SDF2: variants seen among roughly 807,000 people sequenced by gnomAD.
The protein encoded by SDF2 is stromal cell derived factor 2.
A neutral mutation model predicts 20.5 loss-of-function variants in SDF2; 12 were observed. The ratio of observed to expected loss-of-function variants is 0.58; its 90% CI spans 0.37 to 0.95. The LOEUF (loss-of-function observed/expected upper bound fraction) is 0.95. Among genes scored for constraint, SDF2 ranks in the 40% least tolerant of loss-of-function variants. The probability of loss-of-function intolerance (pLI) is 0.01; values close to 1 mark genes in which losing one functional copy is unlikely to be tolerated. For synonymous variants in SDF2, 100 were observed against 101.0 expected (o/e 0.99, Z 0.06); for missense variants, 238 against 263.1 (o/e 0.90, Z 0.66).
chr17:28,656,200 C>T (rs1370950250), intron 1 of SDF2: 1 of 151,978 alleles, frequency 6.6e-6, no homozygotes, highest in Admixed American at 6.6e-5. Context: ...CGCTTGTAAT[C>T]CCAGCACTCT....
At position 28,661,803 on chromosome 17, in the gene SDF2, G is replaced by A; in HGVS notation, c.74C>T (p.Thr25Ile). ...AVGASSLGVV[T>I]CGSVVKLLNT... ...GAGTAGCTTCACCACGGAGCCGCAA[G>A]TAACGACACCCAGGCTGGACGCTCC... The change falls in exon 1 of 3, where the codon ACT becomes ATT. Residue 25 changes from threonine (T) to isoleucine (I), a missense_variant. By Grantham distance (89) the Thr-to-Ile change is moderately conservative. Transcript: ENST00000247020. 6.2e-7 allele frequency: 1 copy of A among 1,614,128 alleles called. No individual in the cohort carries two copies. The highest frequency in any genetic ancestry group is 8.5e-7 in the Non-Finnish European group (1 of 1,180,004).
intron 2 of SDF2, among the ~76,000 whole-genome samples, chr17:28,651,102 G>A (rs1327122019): frequency 2.6e-5 from 4 of 152,226 alleles, no homozygotes; most frequent in South Asian, 2.1e-4. Flanking sequence ...ACAGCATCTC[G>A]CTCTGTCGCC....
intron 2 of SDF2, among the ~76,000 whole-genome samples, chr17:28,651,117 C>T (rs2071911391): frequency 6.6e-6 from 1 of 152,208 alleles, no homozygotes; most frequent in African/African-American, 2.4e-5. Flanking sequence ...GTCGCCCAGG[C>T]TGGAGTGCAA....
chr17:28,661,901 A>C lies in SDF2; in HGVS notation c.-25T>G. On this transcript the variant is annotated 5_prime_UTR_variant, in exon 1 of 3. Coordinates refer to ENST00000247020, the MANE Select transcript of SDF2 (RefSeq NM_006923.4). ...TCCTAACTGTATCGCGGAGCCCCAA[A>C]TCTTCGAAGAAAACTCGGCCCCTCC... The C allele has an allele frequency of 6.3e-7, 1 of 1,583,080 alleles. No individual in the cohort carries two copies. Among genetic ancestry groups the C allele is most frequent in the Non-Finnish European group, 8.6e-7 (1 of 1,156,858 alleles).
intron 2 of SDF2, among the ~76,000 whole-genome samples, chr17:28,654,604 T>A (rs1597670048): frequency 1.3e-5 from 2 of 149,748 alleles, no homozygotes; most frequent in South Asian, 4.2e-4. Context: ...TCACCTGAGG[T>A]CAGGAGTTCG....
chr17:28,652,131 T>C (rs754581219), intron 2 of SDF2, among the ~76,000 whole-genome samples: 14 of 151,666 alleles, frequency 9.2e-5, no homozygotes, highest in Non-Finnish European at 1.5e-4. Flanking sequence ...TCATCACACC[T>C]GTGAGTAGCC....
chr17:28,653,145 G>A (rs1302314363), intron 2 of SDF2, among the ~76,000 whole-genome samples: 1 of 152,136 alleles, frequency 6.6e-6, no homozygotes, highest in Non-Finnish European at 1.5e-5. Flanking sequence ...AAAAGTGCAT[G>A]GAAAGGGGGA....
Position 28,656,560 on chromosome 17 carries a change from C to T in SDF2, c.152-1077G>A, listed in dbSNP as rs137897831. Among the ~76,000 whole-genome samples the T allele has an allele frequency of 6.5e-3, 983 of 152,122 alleles. 12 individuals carry two copies. The highest frequency in any genetic ancestry group is 0.022 in the African/African-American group (929 of 41,476). ...CCAAGATCGCGCCACTGCCCTCCAG[C>T]CTGGATGACAGAGCCAGACTCCGTC... is the stretch of plus-strand genomic sequence containing the variant. On this transcript the variant is annotated intron_variant, in intron 1 of 2. Coordinates refer to ENST00000247020, the MANE Select transcript of SDF2 (RefSeq NM_006923.4).
chr17:28,661,705 G>A (rs780331279), intron 1 of SDF2, 21 bp downstream of exon 1: 14 of 1,602,274 alleles, frequency 8.7e-6, no homozygotes, highest in Non-Finnish European at 1.2e-5. Context: ...TAGCCCACCC[G>A]AGCCCGGTCC....
At position 28,661,823 on chromosome 17, in the gene SDF2, C is replaced by T; in HGVS notation, c.54G>A (p.Ala18=). 1.2e-6 allele frequency: 2 copies of T among 1,614,084 alleles called. No homozygotes were observed. The highest frequency in any genetic ancestry group is 1.7e-6 in the Non-Finnish European group (2 of 1,180,020). ...LLGGLWSAVG[A]SSLGVVTCGS... ...CGCAAGTAACGACACCCAGGCTGGACGCTCCCACAGCGCTCCACAAACCCC... is the reference window on the plus strand; with the variant it reads ...CGCAAGTAACGACACCCAGGCTGGATGCTCCCACAGCGCTCCACAAACCCC... The change falls in exon 1 of 3, where the codon GCG becomes GCA. Residue 18 remains alanine (A), a synonymous_variant. Transcript: ENST00000247020.
rs145053235 is a variant in SDF2, at chr17:28,658,876, G to A, written c.151+2850C>T. 7.5e-3 allele frequency among the ~76,000 whole-genome samples: 1,107 copies of A among 147,624 alleles called. 8 individuals carry two copies. The highest frequency in any genetic ancestry group is 0.018 in the Middle Eastern group (5 of 276). On this transcript the variant is annotated intron_variant, in intron 1 of 2. Transcript: ENST00000247020. ...CCTCACTTCCCAGACGGGGCGGCCGGGCAGAGGCACTCCTCACTTCCCAGA... is the reference window on the plus strand; with the variant it reads ...CCTCACTTCCCAGACGGGGCGGCCGAGCAGAGGCACTCCTCACTTCCCAGA...
intron 2 of SDF2, 53 bp from the exon 3 acceptor site, chr17:28,649,329 G>A: frequency 6.4e-7 from 1 of 1,559,324 alleles, no homozygotes; most frequent in Non-Finnish European, 8.8e-7. Context: ...GGCTTGAAAA[G>A]GGGTGGGAGG....
intron 2 of SDF2, among the ~76,000 whole-genome samples, chr17:28,654,109 G>C (rs763592668): frequency 6.6e-6 from 1 of 152,064 alleles, no homozygotes; most frequent in East Asian, 1.9e-4. Flanking sequence ...TCAGGAGTTT[G>C]AGACCAGCCT....
At chr17:28,651,932 G>A (rs559793395) in intron 2 of SDF2, among the ~76,000 whole-genome samples, 2 of 152,182 alleles carry the variant, frequency 1.3e-5, no homozygotes, top group Non-Finnish European at 2.9e-5. Context: ...GTATCTTACT[G>A]TTGGAGTGGG....
intron 1 of SDF2, among the ~76,000 whole-genome samples, chr17:28,656,703 G>A (rs2071966294): frequency 6.6e-6 from 1 of 152,168 alleles, no homozygotes; most frequent in African/African-American, 2.4e-5. Context: ...GGATATCCAA[G>A]GCACAAATCT....
chr17:28,648,645 C>T lies in SDF2; in HGVS notation c.*344G>A, dbSNP rs1446624468. ...GAGAGAGAAAATAGGGGGAAAATCA[C>T]ATACATTAACAGTCCATGATGCCAA... On this transcript the variant is annotated 3_prime_UTR_variant, in exon 3 of 3. Transcript: ENST00000247020. 3.7e-6 allele frequency: 1 copy of T among 268,076 alleles called. No individual in the cohort carries two copies. The highest frequency in any genetic ancestry group is 2.2e-5 in the African/African-American group (1 of 45,824). The allele number at this position is 268,076 out of a possible 1,614,324, so 16.6% of individuals were successfully genotyped here.
chr17:28,655,002 C>T (rs1184527370), intron 2 of SDF2, among the ~76,000 whole-genome samples: 2 of 151,902 alleles, frequency 1.3e-5, no homozygotes, highest in South Asian at 2.1e-4. Context: ...TGGTGGCATG[C>T]GCCTGTAATC....
At chr17:28,651,047 G>A (rs973087615) in intron 2 of SDF2, among the ~76,000 whole-genome samples, 1 of 151,910 alleles carries the variant, frequency 6.6e-6, no homozygotes, top group Non-Finnish European at 1.5e-5. Context: ...TGGGATTACA[G>A]GTGTGAGCCA....
At chr17:28,655,137 C>T in intron 2 of SDF2, 150 bp downstream of exon 2, 1 of 764,044 alleles carries the variant, frequency 1.3e-6, no homozygotes, top group Middle Eastern at 3.9e-4. Flanking sequence ...TCAAAAACAA[C>T]AAAAACCCAC....
Sources: gnomAD v4.1 joint callset for allele counts (sites outside exome capture counted in the v4.1 genomes callset) on GRCh38, gnomAD v4.1.1 for gene constraint, MANE v1.5 for transcripts, NCBI Gene and HGNC (gene_info 2026-07-23, HGNC 2026-07-21) for gene names.